INSR: variants seen among roughly 807,000 people sequenced by gnomAD.
The protein encoded by INSR is IR.
INSR carries 67 observed loss-of-function variants against 142.6 expected under a neutral mutation model. The ratio of observed to expected loss-of-function variants is 0.47; its 90% CI spans 0.39 to 0.58. INSR has a LOEUF of 0.58. Ranked by LOEUF, INSR falls within the 20% of genes least tolerant of loss-of-function variation. INSR has a pLI of 0.00. For synonymous variants in INSR, 756 were observed against 743.1 expected, an observed-to-expected ratio of 1.02 and a Z score of -0.28; for missense variants, 1,248 against 1,833.2, an observed-to-expected ratio of 0.68 and a Z score of 5.83.
intron 4 of INSR, among the ~76,000 whole-genome samples, chr19:7,174,240 T>C (rs540655933): frequency 5.9e-5 from 9 of 151,912 alleles, no homozygotes; most frequent in Non-Finnish European, 1.2e-4. Context: ...TACAGTGAGC[T>C]AGAGTTGCCC....
intron 1 of INSR, among the ~76,000 whole-genome samples, chr19:7,271,524 T>C (rs1018600426): frequency 2.6e-5 from 4 of 151,892 alleles, no homozygotes; most frequent in Non-Finnish European, 5.9e-5. Flanking sequence ...GAGAAACTGG[T>C]ATCCTTTTGC....
intron 1 of INSR, among the ~76,000 whole-genome samples, chr19:7,277,966 C>T (rs951972794): frequency 5.9e-5 from 9 of 151,678 alleles, no homozygotes; most frequent in Admixed American, 4.0e-4. Context: ...CGGTAGCGCT[C>T]GCCTGTAATC....
At chr19:7,196,479 C>T (rs1333259380) in intron 2 of INSR, among the ~76,000 whole-genome samples, 1 of 152,132 alleles carries the variant, frequency 6.6e-6, no homozygotes, top group African/African-American at 2.4e-5. Flanking sequence ...TTGTCCAAAG[C>T]AAGGTTAAAA....
At chr19:7,250,644 G>A (rs1053827529) in intron 2 of INSR, among the ~76,000 whole-genome samples, 1 of 151,168 alleles carries the variant, frequency 6.6e-6, no homozygotes, top group Non-Finnish European at 1.5e-5. Flanking sequence ...ATGAGAGTTC[G>A]GGCAACCGTG....
At chr19:7,197,910 AGAGT>A (rs1290894825) in intron 2 of INSR, among the ~76,000 whole-genome samples, 3 of 99,336 alleles carry the variant, frequency 3.0e-5, no homozygotes, top group Non-Finnish European at 5.9e-5. Flanking sequence ...GGTCGGTTCC[AGAGT>A]GAGAGTGTGT....
At chr19:7,154,168 T>A (rs933517161) in intron 9 of INSR, among the ~76,000 whole-genome samples, 1 of 150,856 alleles carries the variant, frequency 6.6e-6, no homozygotes, top group Non-Finnish European at 1.5e-5. Context: ...CTCAAAAAAA[T>A]AATAAATAAA....
At chr19:7,142,711 A>G in intron 12 of INSR, 105 bp downstream of exon 12, 4 of 1,394,908 alleles carry the variant, frequency 2.9e-6, no homozygotes, top group Admixed American at 3.5e-5. Flanking sequence ...ATGAAGGCCA[A>G]TAAGGTAAAA....
In INSR at chr19:7,125,283, C is replaced by G; in HGVS notation, c.3258G>C (p.Val1086=). ...CATGTCCCACCCCCACTGGACTCAC[C>G]ACGTGATGGCAGGTGAAGCCCTTCA... ...SVMKGFTCHH[V]VRLLGVVSKG... The change falls in exon 17 of 22, where the codon GTG becomes GTC. Residue 1086 remains valine, a splice_region_variant and synonymous_variant. Coordinates refer to ENST00000302850, the MANE Select transcript of INSR (RefSeq NM_000208.4). This position sits in a 1 kb window ranked among gnomAD's most constrained non-coding sequence, Gnocchi z 4.9. 6.2e-7 allele frequency: 1 copy of G among 1,614,000 alleles called. No homozygotes were observed. The highest frequency in any genetic ancestry group is 8.5e-7 in the Non-Finnish European group (1 of 1,180,004).
Position 7,225,671 on chromosome 19 carries a change from G to A in INSR, c.653-41034C>T, listed in dbSNP as rs1975755135. Among the ~76,000 whole-genome samples, 1 of 150,456 alleles carries A rather than the reference G, an allele frequency of 6.6e-6. No individual in the cohort carries two copies. On this transcript the variant is annotated intron_variant, in intron 2 of 21. Coordinates refer to ENST00000302850, the MANE Select transcript of INSR (RefSeq NM_000208.4). This position sits in a 1 kb window ranked among gnomAD's most constrained non-coding sequence, Gnocchi z 4.7. ...GCAGTGTCAAACCACAGAGCCACGAGGCTGATGATGGGCTCTTGGTTTCCA... is the reference window on the plus strand; with the variant it reads ...GCAGTGTCAAACCACAGAGCCACGAAGCTGATGATGGGCTCTTGGTTTCCA...
chr19:7,153,272 T>TA (rs1973470882), intron 9 of INSR, among the ~76,000 whole-genome samples: 1 of 101,678 alleles, frequency 9.8e-6, no homozygotes. Context: ...CATGCACACC[T>TA]CACACACCAC....
At position 7,132,298 on chromosome 19, in the gene INSR, G is replaced by T; in HGVS notation, c.2702C>A (p.Ser901Tyr). ...CCGTTCCAGAGCGAAGTGCTTGCGG[G>T]AGACGCAGAGATGCAGCTCCTGGGA... ...YGDEELHLCV[S>Y]RKHFALERGC... The change falls in exon 14 of 22, where the codon TCC becomes TAC. Residue 901 changes from serine (S) to tyrosine (Y), a missense_variant. Coordinates refer to ENST00000302850, the MANE Select transcript of INSR (RefSeq NM_000208.4). The T allele has an allele frequency of 6.2e-7, 1 of 1,614,138 alleles. No individual in the cohort carries two copies. Among genetic ancestry groups the T allele is most frequent in the Non-Finnish European group, 8.5e-7 (1 of 1,180,030 alleles).
chr19:7,216,889 G>A lies in INSR; in HGVS notation c.653-32252C>T, dbSNP rs1171381316. Among the ~76,000 whole-genome samples, 402 of 152,184 alleles carry A rather than the reference G, an allele frequency of 2.6e-3. 4 individuals are homozygous for A. Among genetic ancestry groups the A allele is most frequent in the African/African-American group, 9.1e-3 (379 of 41,512 alleles). ...TGCAATGGTGCAATCATGGCTCACT[G>A]CAGCCTCGAACTCCTGGGCTCAAGC... On this transcript the variant is annotated intron_variant, in intron 2 of 21. Coordinates refer to ENST00000302850, the MANE Select transcript of INSR (RefSeq NM_000208.4). This position sits in a 1 kb window ranked among gnomAD's most constrained non-coding sequence, Gnocchi z 4.2.
intron 1 of INSR, among the ~76,000 whole-genome samples, chr19:7,269,038 C>CCACCCACA (rs1555690134): frequency 6.8e-5 from 10 of 146,852 alleles, no homozygotes; most frequent in Middle Eastern, 3.3e-3. Context: ...ACCCACACAC[C>CCACCCACA]CACACACACA....
chr19:7,290,843 G>A (rs1394541051), intron 1 of INSR, among the ~76,000 whole-genome samples: 1 of 151,520 alleles, frequency 6.6e-6, no homozygotes, highest in Non-Finnish European at 1.5e-5. Context: ...AGGCCGAGGC[G>A]GGTGGATCAC....
At chr19:7,157,623 C>T (rs965589942) in intron 9 of INSR, among the ~76,000 whole-genome samples, 1 of 151,186 alleles carries the variant, frequency 6.6e-6, no homozygotes, top group Non-Finnish European at 1.5e-5. Context: ...TCCCAGGGTT[C>T]TTGTGACCCA....
At chr19:7,161,274 T>C (rs1288379444) in intron 9 of INSR, among the ~76,000 whole-genome samples, 1 of 151,664 alleles carries the variant, frequency 6.6e-6, no homozygotes, top group African/African-American at 2.4e-5. Flanking sequence ...TTTTTATATA[T>C]ATAGAGACAG....
chr19:7,231,144 C>T (rs1267250535), intron 2 of INSR, among the ~76,000 whole-genome samples: 3 of 152,074 alleles, frequency 2.0e-5, no homozygotes, highest in Non-Finnish European at 2.9e-5. Flanking sequence ...CTGTGCGCCA[C>T]GGAGGAAACT....
intron 2 of INSR, among the ~76,000 whole-genome samples, chr19:7,255,909 C>G (rs915897792): frequency 3.3e-5 from 5 of 151,898 alleles, no homozygotes; most frequent in Non-Finnish European, 5.9e-5. Flanking sequence ...CCTTGCCACC[C>G]AAACCAAAGC....
At chr19:7,249,991 C>CA (rs146476809) in intron 2 of INSR, among the ~76,000 whole-genome samples, 26,010 of 149,652 alleles carry the variant, frequency 0.17, 2,662 homozygotes, top group East Asian at 0.55. Flanking sequence ...GACTCTGTCT[C>CA]AAAAAAAAAT....
Sources: gnomAD v4.1 joint callset for allele counts (sites outside exome capture counted in the v4.1 genomes callset) on GRCh38, gnomAD v4.1.1 for gene constraint, Gnocchi (gnomAD v3.1) non-coding constraint, MANE v1.5 for transcripts, NCBI Gene and HGNC (gene_info 2026-07-23, HGNC 2026-07-21) for gene names.